CCDC80: variants seen among roughly 807,000 people sequenced by gnomAD.
The protein encoded by CCDC80 is coiled-coil domain-containing protein 80.
In CCDC80, 49 loss-of-function variants were observed where a neutral mutation model predicts 78.7. That is an observed-to-expected ratio of 0.62 (90% confidence interval 0.50 to 0.79). CCDC80 has a LOEUF of 0.79. Among genes scored for constraint, CCDC80 ranks in the 30% least tolerant of loss-of-function variants. The pLI is 0.00. For missense variants in CCDC80, 1,205 were observed against 1,198.6 expected (o/e 1.01, Z -0.08); for synonymous variants, 488 against 447.0 (o/e 1.09, Z -1.16).
At chr3:112,623,857 T>G (rs1935915047) in intron 3 of CCDC80, among the ~76,000 whole-genome samples, 1 of 152,190 alleles carries the variant, frequency 6.6e-6, no homozygotes, top group Admixed American at 6.5e-5. Context: ...TGTCTTCACC[T>G]CACTTGTGCA....
chr3:112,626,971 A>G (rs1005147964), intron 3 of CCDC80, among the ~76,000 whole-genome samples: 22 of 151,830 alleles, frequency 1.4e-4, no homozygotes, highest in Non-Finnish European at 2.8e-4. Flanking sequence ...TTACCCTCAA[A>G]CTCTCCTTTC....
chr3:112,610,211 A>G (rs562647798), intron 5 of CCDC80, 130 bp from the exon 6 acceptor site: 1 of 750,520 alleles, frequency 1.3e-6, no homozygotes, highest in South Asian at 1.5e-5. Context: ...AAAAACAGAG[A>G]ACTGTCCCAT....
chr3:112,637,035 T>C (rs916931498), intron 2 of CCDC80, among the ~76,000 whole-genome samples: 6 of 152,146 alleles, frequency 3.9e-5, no homozygotes, highest in Non-Finnish European at 8.8e-5. Context: ...ACTGCCCTTA[T>C]ATTTGGCTCA....
rs988379797 is a variant in CCDC80, at chr3:112,603,526, A to G, written c.*1891T>C. 2 of 146,004 alleles carry G rather than the reference A, an allele frequency of 1.4e-5. No homozygotes were observed. The highest frequency in any genetic ancestry group is 5.0e-5 in the African/African-American group (2 of 40,186). 9.0% of individuals were successfully genotyped at this position (146,004 alleles called of 1,614,324 possible). A position where few individuals can be genotyped will look rare whatever the true frequency, so the allele number is the denominator to read the frequency against. On this transcript the variant is annotated 3_prime_UTR_variant, in exon 8 of 8. Transcript: ENST00000206423. ...CGAGACTCCATCTCGAAAAAAATAT[A>G]TATATATATAATATATATTATATAT...
In CCDC80 at chr3:112,638,262, CTTCTCT is replaced by C; in HGVS notation, c.1638_1643del (p.Glu549_Lys550del). ...CATTCTTCATCTTTTTTTTCTTCTC[CTTCTCT>C]GGTTTCTCAAGCTTTTCATGCTTTT... On this transcript the variant is annotated inframe_deletion, in exon 2 of 8. Coordinates refer to ENST00000206423, the MANE Select transcript of CCDC80 (RefSeq NM_199511.3). 6.2e-7 allele frequency: 1 copy of C among 1,613,352 alleles called. No individual in the cohort carries two copies.
At chr3:112,634,938 A>C (rs138806631) in intron 2 of CCDC80, among the ~76,000 whole-genome samples, 164 of 152,320 alleles carry the variant, frequency 1.1e-3, no homozygotes, top group African/African-American at 3.7e-3. Flanking sequence ...GGGGTAAATA[A>C]ATCATTCCTT....
Position 112,639,586 on chromosome 3 carries a change from C to G in CCDC80, c.320G>C (p.Arg107Thr). Residue 107 changes from arginine (R) to threonine (T), a missense_variant, in exon 2 of 8, where the codon AGA becomes ACA. By Grantham distance (71) the Arg-to-Thr change is moderately conservative. Coordinates refer to ENST00000206423, the MANE Select transcript of CCDC80 (RefSeq NM_199511.3). ...INGAAVRPEQ[R>T]PAARGSPREM... ...ACGCGGAGAGCCCCTGGCTGCTGGT[C>G]TTTGCTCAGGTCTCACGGCGGCCCC... 1.2e-6 allele frequency: 2 copies of G among 1,614,168 alleles called. No homozygotes were observed. Among genetic ancestry groups the G allele is most frequent in the Non-Finnish European group, 1.7e-6 (2 of 1,180,036 alleles).
rs1347622612 is a variant in CCDC80, at chr3:112,604,591, C to T, written c.*826G>A. On this transcript the variant is annotated 3_prime_UTR_variant, in exon 8 of 8. Coordinates refer to ENST00000206423, the MANE Select transcript of CCDC80 (RefSeq NM_199511.3). ...GTGACTCACTTTATTGCGATATCCA[C>T]TTTATTATGGTGGTCTGGAACTGAT... The T allele has an allele frequency of 6.6e-6, 1 of 152,230 alleles. No individual in the cohort carries two copies. The highest frequency in any genetic ancestry group is 6.5e-5 in the Admixed American group (1 of 15,282). 9.4% of individuals were successfully genotyped at this position (152,230 alleles called of 1,614,324 possible).
chr3:112,631,746 G>A (rs996132557), intron 2 of CCDC80, among the ~76,000 whole-genome samples: 1 of 152,116 alleles, frequency 6.6e-6, no homozygotes, highest in Admixed American at 6.5e-5. Flanking sequence ...TGTCAGAGAT[G>A]TCTGTATTGC....
At chr3:112,625,596 A>G (rs1413565798) in intron 3 of CCDC80, among the ~76,000 whole-genome samples, 2 of 152,242 alleles carry the variant, frequency 1.3e-5, no homozygotes, top group African/African-American at 4.8e-5. Context: ...ATATACTCAT[A>G]AAGAAAGATC....
chr3:112,599,477 G>A lies in CCDC80; in HGVS notation c.*5940C>T, dbSNP rs775301312. The A allele has an allele frequency of 2.0e-5, 3 of 152,428 alleles. No individual in the cohort carries two copies. The East Asian group carries it at 5.8e-4, about 29-fold the overall frequency. 9.4% of individuals were successfully genotyped at this position (152,428 alleles called of 1,614,324 possible). ...GCTATCTGCACACCCCACACCATGA[G>A]GTAAAGGACAGCCAAGGAAGAGAAA... On this transcript the variant is annotated 3_prime_UTR_variant, in exon 8 of 8. Coordinates refer to ENST00000206423, the MANE Select transcript of CCDC80 (RefSeq NM_199511.3).
At position 112,638,818 on chromosome 3, in the gene CCDC80, C is replaced by G; in HGVS notation, c.1088G>C (p.Arg363Pro). The change falls in exon 2 of 8, where the codon CGG becomes CCG. Residue 363 changes from arginine (R) to proline (P), a missense_variant. Transcript: ENST00000206423. ...AACTGTTACCGCCCGGGACGTGGAC[C>G]GAGTCACTGTTGTGGCTGGGGCAGG... The part of the protein sequence containing the change: ...LPPAPATTVT[R>P]STSRAVTVAA... The G allele has an allele frequency of 6.2e-7, 1 of 1,613,590 alleles. No homozygotes were observed. Among genetic ancestry groups the G allele is most frequent in the South Asian group, 1.1e-5 (1 of 91,044 alleles).
intron 5 of CCDC80, among the ~76,000 whole-genome samples, chr3:112,612,942 C>T (rs1368254306): frequency 1.3e-5 from 2 of 148,912 alleles, no homozygotes; most frequent in African/African-American, 5.0e-5. Flanking sequence ...TTTCTGGTAG[C>T]TCTTCCTGGA....
At chr3:112,630,359 C>A (rs540670446) in intron 2 of CCDC80, 90 bp from the exon 3 acceptor site, 8 of 1,186,832 alleles carry the variant, frequency 6.7e-6, no homozygotes, top group Non-Finnish European at 9.9e-6. Flanking sequence ...GAAGAGAGGG[C>A]TGGTAGTGAC....
chr3:112,635,539 C>A (rs879294962), intron 2 of CCDC80, among the ~76,000 whole-genome samples: 8 of 152,192 alleles, frequency 5.3e-5, no homozygotes, highest in Non-Finnish European at 1.0e-4. Context: ...GCGAAAAATT[C>A]TTTTCTCTCC....
At chr3:112,631,861 G>GT (rs1936106360) in intron 2 of CCDC80, among the ~76,000 whole-genome samples, 1 of 152,056 alleles carries the variant, frequency 6.6e-6, no homozygotes, top group South Asian at 2.1e-4. Flanking sequence ...GTTAACAAAG[G>GT]TTTTCTGGGA....
chr3:112,598,736 A>C lies in CCDC80; in HGVS notation c.*6681T>G, dbSNP rs750802387. ...CAAGTTAGGAAACTGTTGAAGAACA[A>C]ATATGTCCCTTATTAGAGGGCCTCT... On this transcript the variant is annotated 3_prime_UTR_variant, in exon 8 of 8. Coordinates refer to ENST00000206423, the MANE Select transcript of CCDC80 (RefSeq NM_199511.3). 1 of 152,174 alleles carries C rather than the reference A, an allele frequency of 6.6e-6. No homozygotes were observed. Among genetic ancestry groups the C allele is most frequent in the African/African-American group, 2.4e-5 (1 of 41,426 alleles). The allele number at this position is 152,174 out of a possible 1,614,324, so 9.4% of individuals were successfully genotyped here. A position where few individuals can be genotyped will look rare whatever the true frequency, so the allele number is the denominator to read the frequency against.
chr3:112,639,345 A>T lies in CCDC80; in HGVS notation c.561T>A (p.Ile187=). ...CELAERHIQQ[I]VLFHQAGEEG... The stretch of plus-strand genomic sequence containing the variant: ...CCTCACCTGCCTGGTGGAAGAGCAC[A>T]ATCTGTTGGATGTGCCTCTCCGCCA... The change falls in exon 2 of 8, where the codon ATT becomes ATA. Residue 187 remains isoleucine, a synonymous_variant. Coordinates refer to ENST00000206423, the MANE Select transcript of CCDC80 (RefSeq NM_199511.3). 6.2e-7 allele frequency: 1 copy of T among 1,614,082 alleles called. No homozygotes were observed.
chr3:112,621,131 A>C (rs1030694235), intron 3 of CCDC80, among the ~76,000 whole-genome samples: 1 of 152,128 alleles, frequency 6.6e-6, no homozygotes, highest in African/African-American at 2.4e-5. Context: ...CAGTAACTAC[A>C]GCTTCTTCCT....
Sources: gnomAD v4.1 joint callset for allele counts (sites outside exome capture counted in the v4.1 genomes callset) on GRCh38, gnomAD v4.1.1 for gene constraint, MANE v1.5 for transcripts, NCBI Gene and HGNC (gene_info 2026-07-23, HGNC 2026-07-21) for gene names.